The following CCN4 variants were observed in gnomAD, a reference collection of about 807,000 sequenced individuals.
CCN4 encodes CCN family member 4.
A neutral mutation model predicts 36.7 loss-of-function variants in CCN4; 30 were observed. That is an observed-to-expected ratio of 0.82 (90% CI 0.61 to 1.11). The LOEUF is 1.11. CCN4 is among the 50% of genes least tolerant of loss of function. The pLI is 0.00. For missense variants in CCN4, 505 were observed against 504.9 expected (o/e 1.00, Z 0.00); for synonymous variants, 191 against 195.4 (o/e 0.98, Z 0.19).
chr8:133,202,163 A>C (rs1268473517), intron 1 of CCN4, among the ~76,000 whole-genome samples: 1 of 152,202 alleles, frequency 6.6e-6, no homozygotes, highest in African/African-American at 2.4e-5. Flanking sequence ...TTTACCCTTG[A>C]TGTTTTGTTA....
chr8:133,194,470 T>A (rs1328848734), intron 1 of CCN4, among the ~76,000 whole-genome samples: 1 of 78,218 alleles, frequency 1.3e-5, no homozygotes, highest in African/African-American at 5.9e-5. Flanking sequence ...GTGTGGGGTG[T>A]GTGTGTGTGT....
At chr8:133,196,943 T>C (rs1206890854) in intron 1 of CCN4, among the ~76,000 whole-genome samples, 3 of 152,164 alleles carry the variant, frequency 2.0e-5, no homozygotes, top group Non-Finnish European at 4.4e-5. Context: ...GGCAGACTAA[T>C]GGGCAGGCTG....
intron 2 of CCN4, among the ~76,000 whole-genome samples, chr8:133,215,813 A>T (rs973446576): frequency 6.6e-6 from 1 of 152,230 alleles, no homozygotes; most frequent in Non-Finnish European, 1.5e-5. Flanking sequence ...TTTTACAAGC[A>T]TTGAGATAAA....
chr8:133,196,026 G>A (rs1219948171), intron 1 of CCN4, among the ~76,000 whole-genome samples: 1 of 152,230 alleles, frequency 6.6e-6, no homozygotes, highest in African/African-American at 2.4e-5. Context: ...AGGAAGCAAA[G>A]CGAGCCAGCA....
At chr8:133,217,206 C>A (rs1268216036) in intron 2 of CCN4, among the ~76,000 whole-genome samples, 3 of 152,250 alleles carry the variant, frequency 2.0e-5, no homozygotes, top group Non-Finnish European at 4.4e-5. Context: ...CAGCTCACCC[C>A]AGTTCCCATC....
intron 3 of CCN4, among the ~76,000 whole-genome samples, chr8:133,222,211 G>A (rs547445005): frequency 1.3e-5 from 2 of 152,306 alleles, no homozygotes; most frequent in South Asian, 4.1e-4. Context: ...GGCAGTGGGA[G>A]TAGAGGCAGT....
chr8:133,200,794 C>T (rs1285027041), intron 1 of CCN4, among the ~76,000 whole-genome samples: 2 of 152,206 alleles, frequency 1.3e-5, no homozygotes, highest in Non-Finnish European at 2.9e-5. Context: ...AGCACGCATC[C>T]TCTGTCCCGG....
intron 1 of CCN4, among the ~76,000 whole-genome samples, chr8:133,192,770 C>T (rs776628324): frequency 3.3e-5 from 5 of 152,110 alleles, no homozygotes; most frequent in South Asian, 2.1e-4. Flanking sequence ...GCAGAGGAGG[C>T]GAGAGGTTTA....
intron 1 of CCN4, among the ~76,000 whole-genome samples, chr8:133,201,904 G>T (rs1853601108): frequency 6.6e-6 from 1 of 152,050 alleles, no homozygotes; most frequent in African/African-American, 2.4e-5. Flanking sequence ...AAAATGGAAG[G>T]AACAAGACCA....
chr8:133,198,224 G>T (rs1853459397), intron 1 of CCN4, among the ~76,000 whole-genome samples: 1 of 152,170 alleles, frequency 6.6e-6, no homozygotes, highest in Admixed American at 6.5e-5. Flanking sequence ...CTAGAAAGGG[G>T]TTGTCGGCAC....
intron 2 of CCN4, among the ~76,000 whole-genome samples, chr8:133,219,421 T>G (rs1169842289): frequency 6.6e-6 from 1 of 152,186 alleles, no homozygotes; most frequent in East Asian, 1.9e-4. Context: ...CAGGCTTTGC[T>G]GAGCGTCATC....
intron 2 of CCN4, among the ~76,000 whole-genome samples, chr8:133,218,153 G>A (rs140678422): frequency 2.0e-5 from 3 of 152,052 alleles, no homozygotes; most frequent in South Asian, 2.1e-4. Context: ...CAACAGTTTC[G>A]TGACCTTGAA....
chr8:133,215,366 A>C (rs1001431131), intron 2 of CCN4, among the ~76,000 whole-genome samples: 1 of 152,178 alleles, frequency 6.6e-6, no homozygotes, highest in Admixed American at 6.5e-5. Flanking sequence ...TGGACTTCTT[A>C]CACTAGAACC....
chr8:133,210,389 GT>G (rs1320086416), intron 1 of CCN4, among the ~76,000 whole-genome samples: 4 of 57,274 alleles, frequency 7.0e-5, no homozygotes, highest in Admixed American at 5.2e-4. Context: ...AAAGAGGGGT[GT>G]GTGTGTGTGT....
intron 1 of CCN4, among the ~76,000 whole-genome samples, chr8:133,210,840 C>T (rs982785921): frequency 1.3e-5 from 2 of 152,168 alleles, no homozygotes; most frequent in African/African-American, 4.8e-5. Flanking sequence ...CGCAGGTCAG[C>T]GAGTCAGGAG....
chr8:133,191,890 GTCTC>G (rs902481452), intron 1 of CCN4, among the ~76,000 whole-genome samples: 2 of 152,086 alleles, frequency 1.3e-5, no homozygotes, highest in African/African-American at 4.8e-5. Context: ...GCACCCCAGA[GTCTC>G]TCTCTCTTCC....
intron 1 of CCN4, among the ~76,000 whole-genome samples, chr8:133,194,455 T>G (rs1316401631): frequency 9.1e-5 from 5 of 54,916 alleles, no homozygotes; most frequent in African/African-American, 2.2e-4. Context: ...GTGTGTGTGG[T>G]ATGTGTGTGG....
At chr8:133,196,029 A>C (rs1853370439) in intron 1 of CCN4, among the ~76,000 whole-genome samples, 1 of 152,220 alleles carries the variant, frequency 6.6e-6, no homozygotes, top group African/African-American at 2.4e-5. Context: ...AAGCAAAGCG[A>C]GCCAGCAAGG....
At chr8:133,198,412 G>A (rs1367250182) in intron 1 of CCN4, among the ~76,000 whole-genome samples, 1 of 152,070 alleles carries the variant, frequency 6.6e-6, no homozygotes, top group Non-Finnish European at 1.5e-5. Flanking sequence ...CTGGACGTCC[G>A]AGGGGTCCCA....
Sources: gnomAD v4.1 joint callset for allele counts (sites outside exome capture counted in the v4.1 genomes callset) on GRCh38, gnomAD v4.1.1 for gene constraint, MANE v1.5 for transcripts, NCBI Gene and HGNC (gene_info 2026-07-23, HGNC 2026-07-21) for gene names.